The following GRIK5 variants were observed in gnomAD, a reference collection of about 807,000 sequenced individuals.
The protein encoded by GRIK5 is glutamate ionotropic receptor kainate type subunit 5, also known as glutamate receptor ionotropic, kainate 5.
Under a neutral mutation model 97.4 loss-of-function variants are expected in GRIK5, and 43 were observed. The observed-to-expected ratio is 0.44, with a 90% CI of 0.35 to 0.57. The LOEUF (loss-of-function observed/expected upper bound fraction) is 0.57. GRIK5 is among the 20% of genes least tolerant of loss of function. The pLI is 0.01. For missense variants in GRIK5, 1,015 were observed against 1,382.0 expected (o/e 0.73, Z 4.21); for synonymous variants, 580 against 583.5 (o/e 0.99, Z 0.09).
At position 42,065,816 on chromosome 19, in the gene GRIK5, G is replaced by T. The variant is rs775513618; in HGVS notation, c.-46C>A. Reference sequence around the variant, plus strand: ...GACGCAGCTGCCGCGGCCCCCACTCGCCACCTGCAGGGAGACCCCCCAGAC... The same window carrying T: ...GACGCAGCTGCCGCGGCCCCCACTCTCCACCTGCAGGGAGACCCCCCAGAC... On this transcript the variant is annotated 5_prime_UTR_variant, in exon 2 of 20. Transcript: ENST00000593562. This position sits in a 1 kb window ranked among gnomAD's most constrained non-coding sequence, Gnocchi z 5.8. 6.8e-7 allele frequency: 1 copy of T among 1,460,964 alleles called. No homozygotes were observed. The highest frequency in any genetic ancestry group is 1.4e-5 in the African/African-American group (1 of 71,526). The allele number at this position is 1,460,964 out of a possible 1,614,324, so 90.5% of individuals were successfully genotyped here. A position where few individuals can be genotyped will look rare whatever the true frequency, so the allele number is the denominator to read the frequency against.
At chr19:42,005,358 C>A (rs782426168) in intron 17 of GRIK5, among the ~76,000 whole-genome samples, 1 of 152,002 alleles carries the variant, frequency 6.6e-6, no homozygotes, top group Non-Finnish European at 1.5e-5. Flanking sequence ...TTTTCAAGCA[C>A]CTGCTCTGAG....
Position 42,062,933 on chromosome 19 carries a change from A to G in GRIK5, c.245-78T>C. The G allele has an allele frequency of 9.2e-7, 1 of 1,084,448 alleles. No individual in the cohort carries two copies. Among genetic ancestry groups the G allele is most frequent in the Non-Finnish European group, 1.4e-6 (1 of 708,678 alleles). The allele number at this position is 1,084,448 out of a possible 1,614,324, so 67.2% of individuals were successfully genotyped here. On this transcript the variant is annotated intron_variant, in intron 3 of 19. Coordinates refer to ENST00000593562, the MANE Select transcript of GRIK5 (RefSeq NM_002088.5). The surrounding 1 kb of genome is among the most constrained non-coding windows in gnomAD (Gnocchi z 5.3). ...CTTCCCCATCCCTCAGGGAGCCGCCATGGCCCAGGAGAGGATCAGACACTG... is the reference window on the plus strand; with the variant it reads ...CTTCCCCATCCCTCAGGGAGCCGCCGTGGCCCAGGAGAGGATCAGACACTG...
chr19:42,029,963 T>C (rs947519791), intron 12 of GRIK5, among the ~76,000 whole-genome samples: 11 of 152,162 alleles, frequency 7.2e-5, no homozygotes, highest in African/African-American at 2.4e-4. Flanking sequence ...GCTTCTAAGT[T>C]TTCATCTTTC....
intron 5 of GRIK5, among the ~76,000 whole-genome samples, chr19:42,059,847 C>G (rs1463721071): frequency 6.6e-6 from 1 of 152,062 alleles, no homozygotes. Flanking sequence ...TGTTGGTGAA[C>G]AGCATCTCTA....
Position 42,054,303 on chromosome 19 carries a change from T to A in GRIK5, c.1056+17A>T. 1 of 1,598,498 alleles carries A rather than the reference T, an allele frequency of 6.3e-7. No homozygotes were observed. Among genetic ancestry groups the A allele is most frequent in the Non-Finnish European group, 8.5e-7 (1 of 1,170,520 alleles). On this transcript the variant is annotated intron_variant, in intron 9 of 19. Coordinates refer to ENST00000593562, the MANE Select transcript of GRIK5 (RefSeq NM_002088.5). ...GGCCGTGTCCTGCCTCCTCCACCCA[T>A]CCCCGCTCGGGCTCACCATGCGCAG...
At chr19:42,068,782 C>T (rs2076378658) in intron 1 of GRIK5, 1 of 562,432 alleles carries the variant, frequency 1.8e-6, no homozygotes, top group Non-Finnish European at 3.2e-6. Flanking sequence ...CCAAGAGACA[C>T]AGGAAATGGG....
At chr19:42,014,061 A>C (rs936560396) in intron 15 of GRIK5, among the ~76,000 whole-genome samples, 2 of 151,578 alleles carry the variant, frequency 1.3e-5, no homozygotes, top group Admixed American at 6.6e-5. Flanking sequence ...CTGTACTCCC[A>C]AAAATATGTA....
At chr19:42,029,328 A>G (rs944494337) in intron 12 of GRIK5, among the ~76,000 whole-genome samples, 2 of 150,922 alleles carry the variant, frequency 1.3e-5, no homozygotes, top group African/African-American at 2.4e-5. Flanking sequence ...AGCCTCCCAC[A>G]GTGCTGGGAT....
rs74689530 is a variant in GRIK5 at position 42,005,634 on chromosome 19, C to T, written c.2263+89G>A. The stretch of plus-strand genomic sequence containing the variant: ...CACATGCAACACACCCAGCCTGCCT[C>T]GGGGGTGCCTGGCCCGGTCCTGGGC... On this transcript the variant is annotated intron_variant, in intron 17 of 19. Coordinates refer to ENST00000593562, the MANE Select transcript of GRIK5 (RefSeq NM_002088.5). The T allele has an allele frequency of 1.8e-4, 155 of 863,676 alleles. No homozygotes were observed. In the African/African-American group the frequency reaches 2.4e-3, roughly 13 times the overall value. 53.5% of individuals were successfully genotyped at this position (863,676 alleles called of 1,614,324 possible).
At chr19:42,017,381 A>C (rs1033086108) in intron 15 of GRIK5, among the ~76,000 whole-genome samples, 1 of 152,120 alleles carries the variant, frequency 6.6e-6, no homozygotes, top group South Asian at 2.1e-4. Context: ...TTTCCCCTTC[A>C]TATTGCAATT....
intron 5 of GRIK5, among the ~76,000 whole-genome samples, chr19:42,060,242 T>TAA (rs77481925): frequency 1.4e-5 from 2 of 141,822 alleles, no homozygotes; most frequent in African/African-American, 2.6e-5. Context: ...GCCATCTCTT[T>TAA]AAAAAAAAAA....
In GRIK5 at chr19:42,002,023, G is replaced by A; in HGVS notation, c.2514+1309C>T. On this transcript the variant is annotated intron_variant, in intron 19 of 19. Coordinates refer to ENST00000593562, the MANE Select transcript of GRIK5 (RefSeq NM_002088.5). The surrounding 1 kb of genome is among the most constrained non-coding windows in gnomAD (Gnocchi z 5.2). The stretch of plus-strand genomic sequence containing the variant: ...GGAAGGAGTGACCGGAGAAGTGGGA[G>A]AAGGGGAAGAAGGGGCTTTGAGGAT... 2 of 631,778 alleles carry A rather than the reference G, an allele frequency of 3.2e-6. No homozygotes were observed. The highest frequency in any genetic ancestry group is 2.9e-6 in the Non-Finnish European group (1 of 348,424). 39.1% of individuals were successfully genotyped at this position (631,778 alleles called of 1,614,324 possible).
chr19:42,022,068 G>C lies in GRIK5; in HGVS notation c.1588-12C>G, dbSNP rs1568895161. Reference sequence around the variant, plus strand: ...CCAGGCTTGCGGCCCTGTGGGGAGAGGGAGTGAGACCCGGAGACACCCCTG... The same window carrying C: ...CCAGGCTTGCGGCCCTGTGGGGAGACGGAGTGAGACCCGGAGACACCCCTG... On this transcript the variant is annotated splice_polypyrimidine_tract_variant and intron_variant, in intron 13 of 19. Transcript: ENST00000593562. This position sits in a 1 kb window ranked among gnomAD's most constrained non-coding sequence, Gnocchi z 4.2. The C allele has an allele frequency of 1.3e-6, 2 of 1,588,388 alleles. No homozygotes were observed. The highest frequency in any genetic ancestry group is 2.2e-5 in the East Asian group (1 of 44,558).
At position 42,009,306 on chromosome 19, in the gene GRIK5, G is replaced by A. The variant is rs1047134758; in HGVS notation, c.1872-2496C>T. On this transcript the variant is annotated intron_variant, in intron 15 of 19. Coordinates refer to ENST00000593562, the MANE Select transcript of GRIK5 (RefSeq NM_002088.5). ...AGCTGAAGCTGGAGTGCAATGGCGC[G>A]ATCTCGACTCACTGCAACCTCCGCT... Among the ~76,000 whole-genome samples the A allele has an allele frequency of 1.3e-5, 2 of 151,934 alleles. 1 individual carries two copies. The highest frequency in any genetic ancestry group is 2.9e-5 in the Non-Finnish European group (2 of 68,006).
intron 5 of GRIK5, among the ~76,000 whole-genome samples, chr19:42,061,885 G>C (rs953327942): frequency 6.6e-6 from 1 of 152,192 alleles, no homozygotes; most frequent in Non-Finnish European, 1.5e-5. Flanking sequence ...CCTGCCCGGC[G>C]TGGGGACTTC....
chr19:42,020,509 A>G (rs2075683606), intron 15 of GRIK5, among the ~76,000 whole-genome samples: 1 of 152,198 alleles, frequency 6.6e-6, no homozygotes, highest in Non-Finnish European at 1.5e-5. Flanking sequence ...GAGCTGGGTA[A>G]AATGAGGCTG....
chr19:42,009,396 C>T (rs1307980185), intron 15 of GRIK5, among the ~76,000 whole-genome samples: 1 of 151,770 alleles, frequency 6.6e-6, no homozygotes. Flanking sequence ...GCACCCGCCA[C>T]CATGCCCAGA....
rs747135189 is a variant in GRIK5, at chr19:42,065,249, T to C, written c.218A>G (p.Asp73Gly). The part of the protein sequence containing the change: ...VEVDIFELQR[D>G]SQYETTDTMC... ...GGTGTCCGTGGTCTCGTACTGGCTG[T>C]CCCGCTGCAGCTCAAAGATGTCTAC... The change falls in exon 3 of 20, where the codon GAC (aspartate) becomes GGC (glycine). Residue 73 changes from aspartate to glycine, a missense_variant. By Grantham distance (94) the Asp-to-Gly change is moderately conservative (BLOSUM62 -1). Around this residue, in one of 5 missense-constraint regions of GRIK5, gnomAD observed 198 missense variants for 218.2 expected, o/e 0.91. Transcript: ENST00000593562. This position sits in a 1 kb window ranked among gnomAD's most constrained non-coding sequence, Gnocchi z 5.8. 1.2e-6 allele frequency: 2 copies of C among 1,612,920 alleles called. No homozygotes were observed. The highest frequency in any genetic ancestry group is 3.3e-5 in the Admixed American group (2 of 59,952).
chr19:42,015,226 C>T (rs1017459979), intron 15 of GRIK5, among the ~76,000 whole-genome samples: 2 of 152,124 alleles, frequency 1.3e-5, no homozygotes, highest in Non-Finnish European at 1.5e-5. Flanking sequence ...TTTCAAAACT[C>T]CTCTCAATAA....
Sources: allele counts gnomAD v4.1 joint callset (sites outside exome capture counted in the v4.1 genomes callset), GRCh38; gene constraint gnomAD v4.1.1; regional missense constraint gnomAD v4.1.1; non-coding constraint Gnocchi (gnomAD v3.1); transcripts MANE v1.5; gene names NCBI Gene and HGNC (gene_info 2026-07-23, HGNC 2026-07-21).